Variants in GRK5 observed in about 807,000 individuals in gnomAD.
The protein encoded by GRK5 is g protein-coupled receptor kinase GRK5.
Under a neutral mutation model 78.4 loss-of-function variants are expected in GRK5, and 40 were observed. The ratio of observed to expected loss-of-function variants is 0.51; its 90% CI spans 0.40 to 0.66. The LOEUF (loss-of-function observed/expected upper bound fraction) is 0.66. GRK5 is among the 30% of genes least tolerant of loss of function. GRK5 has a pLI of 0.00. For synonymous variants in GRK5, 289 were observed against 296.8 expected, an observed-to-expected ratio of 0.97 and a Z score of 0.27; for missense variants, 598 against 759.9, an observed-to-expected ratio of 0.79 and a Z score of 2.50.
chr10:119,321,510 G>C (rs967611981), intron 1 of GRK5, among the ~76,000 whole-genome samples: 5 of 152,298 alleles, frequency 3.3e-5, no homozygotes, highest in Admixed American at 3.3e-4. Context: ...CCAATGGCTG[G>C]TGAGTCTTCG....
At chr10:119,453,079 C>T in intron 14 of GRK5, 66 bp from the exon 15 acceptor site, 1 of 1,065,946 alleles carries the variant, frequency 9.4e-7, no homozygotes, top group South Asian at 1.3e-5. Flanking sequence ...GCCCCAGTGG[C>T]TTTGCTGCTG....
chr10:119,350,515 T>C (rs184654029), intron 2 of GRK5, among the ~76,000 whole-genome samples: 255 of 152,368 alleles, frequency 1.7e-3, no homozygotes, highest in African/African-American at 5.8e-3. Context: ...TTATTTGGAA[T>C]CTGGTGTTTT....
intron 1 of GRK5, among the ~76,000 whole-genome samples, chr10:119,240,271 G>A (rs28813205): frequency 1.8e-4 from 23 of 126,034 alleles, no homozygotes; most frequent in Non-Finnish European, 3.3e-4. Context: ...CAGGATCTCC[G>A]CTCACTGCAA....
At chr10:119,344,894 CTT>C (rs1394554322) in intron 2 of GRK5, among the ~76,000 whole-genome samples, 1 of 141,298 alleles carries the variant, frequency 7.1e-6, no homozygotes, top group African/African-American at 2.7e-5. Context: ...TCCTTCCTTC[CTT>C]CCTTCCTTCC....
intron 1 of GRK5, among the ~76,000 whole-genome samples, chr10:119,290,368 A>AT (rs1849932243): frequency 9.5e-6 from 1 of 104,958 alleles, no homozygotes; most frequent in East Asian, 2.5e-4. Context: ...AAAAAACAAA[A>AT]AACAACTCTG....
intron 4 of GRK5, among the ~76,000 whole-genome samples, chr10:119,405,323 A>G (rs1252711034): frequency 6.6e-6 from 1 of 152,054 alleles, no homozygotes; most frequent in African/African-American, 2.4e-5. Flanking sequence ...CAGGCAGGAT[A>G]TTGTTCTCTG....
At chr10:119,265,025 C>T (rs12413387) in intron 1 of GRK5, among the ~76,000 whole-genome samples, 21,868 of 152,216 alleles carry the variant, frequency 0.14, 1,666 homozygotes, top group Middle Eastern at 0.17. Flanking sequence ...CTCACAGCGG[C>T]CTCTTTGGAC....
At chr10:119,363,512 C>G (rs1347332517) in intron 2 of GRK5, among the ~76,000 whole-genome samples, 1 of 152,210 alleles carries the variant, frequency 6.6e-6, no homozygotes, top group African/African-American at 2.4e-5. Context: ...TTGGCCTAAA[C>G]AAGGTGGAAG....
chr10:119,354,222 G>A (rs1851228965), intron 2 of GRK5, among the ~76,000 whole-genome samples: 1 of 151,756 alleles, frequency 6.6e-6, no homozygotes, highest in South Asian at 2.1e-4. Flanking sequence ...ACCTCTCATA[G>A]TTACCTTTGT....
At chr10:119,362,885 G>T (rs977403603) in intron 2 of GRK5, among the ~76,000 whole-genome samples, 3 of 152,230 alleles carry the variant, frequency 2.0e-5, no homozygotes, top group African/African-American at 7.2e-5. Context: ...TGAACACTCA[G>T]TTCCATTTAA....
In GRK5 at chr10:119,264,827, G is replaced by T. The variant is rs1345253772; in HGVS notation, c.52+56858G>T. On this transcript the variant is annotated intron_variant, in intron 1 of 15. Coordinates refer to ENST00000392870, the MANE Select transcript of GRK5 (RefSeq NM_005308.3). This position sits in a 1 kb window ranked among gnomAD's most constrained non-coding sequence, Gnocchi z 4.1. ...CCCACTCCCTTTTCCTCCTGGCCAG[G>T]GTGCCCTGAGTAGCCTTGGCATGAC... 2.0e-5 allele frequency among the ~76,000 whole-genome samples: 3 copies of T among 152,170 alleles called. No individual in the cohort carries two copies. Among genetic ancestry groups the T allele is most frequent in the Non-Finnish European group, 4.4e-5 (3 of 68,026 alleles).
At position 119,452,694 on chromosome 10, in the gene GRK5, C is replaced by T. The variant is rs767622137; in HGVS notation, c.1428C>T (p.Asp476=). 9.3e-6 allele frequency: 15 copies of T among 1,614,014 alleles called. No individual in the cohort carries two copies. The highest frequency in any genetic ancestry group is 1.3e-5 in the African/African-American group (1 of 74,938). The change falls in exon 14 of 16, where the codon GAC becomes GAT. Residue 476 remains aspartate, a synonymous_variant. Transcript: ENST00000392870. This position sits in a 1 kb window ranked among gnomAD's most constrained non-coding sequence, Gnocchi z 4.4. Reference sequence around the variant, plus strand: ...AGCCCCGCGCTGTGTACTGTAAGGACGTGCTGGACATCGAGCAGTTCTCCA... The same window carrying T: ...AGCCCCGCGCTGTGTACTGTAAGGATGTGCTGGACATCGAGCAGTTCTCCA... The part of the protein sequence containing the change: ...VPDPRAVYCK[D]VLDIEQFSTV...
intron 1 of GRK5, among the ~76,000 whole-genome samples, chr10:119,219,438 A>G (rs1344397126): frequency 6.6e-6 from 1 of 152,194 alleles, no homozygotes; most frequent in Non-Finnish European, 1.5e-5. Flanking sequence ...GTATAATGCA[A>G]ATATTCCAAA....
At chr10:119,296,148 A>G (rs972742087) in intron 1 of GRK5, among the ~76,000 whole-genome samples, 38 of 152,272 alleles carry the variant, frequency 2.5e-4, no homozygotes, top group South Asian at 2.3e-3. Context: ...CTCCACCAGC[A>G]TCCTCGACAT....
rs140073482 is a variant in GRK5 at position 119,278,908 on chromosome 10, C to T, written c.53-47608C>T. Among the ~76,000 whole-genome samples the T allele has an allele frequency of 5.0e-4, 76 of 152,258 alleles. No individual in the cohort carries two copies. The East Asian group carries it at 0.014, about 27-fold the overall frequency. On this transcript the variant is annotated intron_variant, in intron 1 of 15. Transcript: ENST00000392870. ...TTCTTTTTTCTTCAAGACGGAGTCT[C>T]GCTCTGTTGCCCAGGCTGGAGTGCA...
At chr10:119,313,625 C>T (rs1026168680) in intron 1 of GRK5, among the ~76,000 whole-genome samples, 1 of 152,082 alleles carries the variant, frequency 6.6e-6, no homozygotes, top group African/African-American at 2.4e-5. Context: ...AACAGTGCAG[C>T]TGTCAGGGAG....
chr10:119,347,909 G>C (rs1191055416), intron 2 of GRK5, among the ~76,000 whole-genome samples: 4 of 152,228 alleles, frequency 2.6e-5, no homozygotes, highest in African/African-American at 9.6e-5. Flanking sequence ...GAATGCCGAG[G>C]CTGCCACCAC....
At chr10:119,380,736 G>T in intron 2 of GRK5, 79 bp from the exon 3 acceptor site, 1 of 835,906 alleles carries the variant, frequency 1.2e-6, no homozygotes, top group Non-Finnish European at 2.0e-6. Flanking sequence ...AGGGCTCTGA[G>T]CCCAGGTGTG....
At chr10:119,454,034 G>A (rs564529413) in intron 15 of GRK5, among the ~76,000 whole-genome samples, 32 of 152,232 alleles carry the variant, frequency 2.1e-4, no homozygotes, top group African/African-American at 6.0e-4. Context: ...CAGTGTGCCC[G>A]CCCTGGAGCC....
Sources: gnomAD v4.1 joint callset for allele counts (sites outside exome capture counted in the v4.1 genomes callset) on GRCh38, gnomAD v4.1.1 for gene constraint, Gnocchi (gnomAD v3.1) non-coding constraint, MANE v1.5 for transcripts, NCBI Gene and HGNC (gene_info 2026-07-23, HGNC 2026-07-21) for gene names.